Variants in MFHAS1 observed in about 807,000 individuals in gnomAD.
The protein encoded by MFHAS1 is malignant fibrous histiocytoma-amplified sequence 1.
In MFHAS1, 50 loss-of-function variants were observed where a neutral mutation model predicts 70.4. The ratio of observed to expected loss-of-function variants is 0.71; its 90% CI spans 0.57 to 0.90. MFHAS1 has a LOEUF of 0.90. Among genes scored for constraint, MFHAS1 ranks in the 40% least tolerant of loss-of-function variants. MFHAS1 has a pLI of 0.00. For missense variants in MFHAS1, 1,795 were observed against 1,347.6 expected, an observed-to-expected ratio of 1.33 and a Z score of -5.20; for synonymous variants, 952 against 620.0, an observed-to-expected ratio of 1.54 and a Z score of -7.96.
In MFHAS1 at chr8:8,891,804, C is replaced by A. The variant is rs762871662; in HGVS notation, c.1255G>T (p.Ala419Ser). ...RLKLLLMGHK[A>S]AGKTLLRHCL... ...TGGCGCAGCAAAGTCTTTCCTGCAG[C>A]CTTATGCCCCATCAGGAGCAGCTTG... Residue 419 changes from alanine (A) to serine (S), a missense_variant, in exon 1 of 3, where the codon GCT becomes TCT. By Grantham distance (99) the Ala-to-Ser change is moderately conservative (BLOSUM62 1). Transcript: ENST00000276282. This position sits in a 1 kb window ranked among gnomAD's most constrained non-coding sequence, Gnocchi z 5.4. The A allele has an allele frequency of 1.2e-6, 2 of 1,613,240 alleles. No homozygotes were observed. Among genetic ancestry groups the A allele is most frequent in the South Asian group, 2.2e-5 (2 of 91,084 alleles).
At chr8:8,803,739 A>G (rs1156258911) in intron 1 of MFHAS1, among the ~76,000 whole-genome samples, 1 of 151,934 alleles carries the variant, frequency 6.6e-6, no homozygotes, top group African/African-American at 2.4e-5. Flanking sequence ...TGGGAGGCCG[A>G]GGCAGGCAAA....
intron 1 of MFHAS1, among the ~76,000 whole-genome samples, chr8:8,861,290 A>G (rs942674870): frequency 2.6e-5 from 4 of 152,258 alleles, no homozygotes; most frequent in Non-Finnish European, 5.9e-5. Context: ...ATTAAAAAGC[A>G]AACAAAATTT....
In MFHAS1 at chr8:8,891,046, G is replaced by C; in HGVS notation, c.2013C>G (p.Phe671Leu). Residue 671 changes from phenylalanine (F) to leucine (L), a missense_variant, in exon 1 of 3, where the codon TTC (phenylalanine) becomes TTG (leucine). Transcript: ENST00000276282. This position sits in a 1 kb window ranked among gnomAD's most constrained non-coding sequence, Gnocchi z 5.4. ...RSWQVLEELH[F>L]QPPQAQRLWL... ...ACAGTCGCTGGGCCTGAGGTGGCTG[G>C]AAATGCAGTTCCTCCAGCACCTGCC... is the stretch of plus-strand genomic sequence containing the variant. 6.2e-7 allele frequency: 1 copy of C among 1,613,656 alleles called. No individual in the cohort carries two copies. Among genetic ancestry groups the C allele is most frequent in the Non-Finnish European group, 8.5e-7 (1 of 1,179,884 alleles).
chr8:8,888,027 GT>G (rs756598656), intron 1 of MFHAS1, among the ~76,000 whole-genome samples: 1 of 152,098 alleles, frequency 6.6e-6, no homozygotes, highest in Non-Finnish European at 1.5e-5. Flanking sequence ...AAACTACCCT[GT>G]AAATGCGTAA....
intron 1 of MFHAS1, among the ~76,000 whole-genome samples, chr8:8,800,785 C>G (rs1053214432): frequency 6.6e-6 from 1 of 152,206 alleles, no homozygotes; most frequent in Non-Finnish European, 1.5e-5. Flanking sequence ...CTGCTTTTAT[C>G]TGCCTGGACA....
chr8:8,815,695 T>C (rs1315505389), intron 1 of MFHAS1, among the ~76,000 whole-genome samples: 1 of 152,174 alleles, frequency 6.6e-6, no homozygotes, highest in African/African-American at 2.4e-5. Flanking sequence ...GCATAATCAA[T>C]TGTTGCTGAG....
chr8:8,785,795 T>G lies in MFHAS1; in HGVS notation c.*227A>C. The G allele has an allele frequency of 2.0e-6, 1 of 509,280 alleles. No homozygotes were observed. The allele number at this position is 509,280 out of a possible 1,614,324, so 31.5% of individuals were successfully genotyped here. A position where few individuals can be genotyped will look rare whatever the true frequency, so the allele number is the denominator to read the frequency against. ...CGCGCTCCTTGGAGGATCACAGTTC[T>G]GAGGTTCAGGTTGTAAAACATTTGC... On this transcript the variant is annotated 3_prime_UTR_variant, in exon 3 of 3. Coordinates refer to ENST00000276282, the MANE Select transcript of MFHAS1 (RefSeq NM_004225.3).
intron 1 of MFHAS1, among the ~76,000 whole-genome samples, chr8:8,803,697 A>AGCAGT (rs1806165881): frequency 1.3e-5 from 2 of 151,292 alleles, no homozygotes; most frequent in Admixed American, 1.3e-4. Context: ...GGAGGCTGGG[A>AGCAGT]GCAGTGGCTC....
At position 8,880,258 on chromosome 8, in the gene MFHAS1, A is replaced by G. The variant is rs181786145; in HGVS notation, c.2998+9803T>C. On this transcript the variant is annotated intron_variant, in intron 1 of 2. Transcript: ENST00000276282. ...TACAAAGCCTGGCAAAAGAATTCCCAGTCACTTGGCCCCAGGAAGAATGAC... is the reference window on the plus strand; with the variant it reads ...TACAAAGCCTGGCAAAAGAATTCCCGGTCACTTGGCCCCAGGAAGAATGAC... 2.7e-4 allele frequency among the ~76,000 whole-genome samples: 41 copies of G among 152,364 alleles called. 1 individual carries two copies. Among genetic ancestry groups the G allele is most frequent in the African/African-American group, 7.2e-4 (30 of 41,584 alleles).
chr8:8,795,381 T>C (rs1440798481), intron 2 of MFHAS1, among the ~76,000 whole-genome samples: 1 of 152,232 alleles, frequency 6.6e-6, no homozygotes, highest in African/African-American at 2.4e-5. Flanking sequence ...TAATATTCGG[T>C]TGGTGCAAAA....
chr8:8,876,628 C>T lies in MFHAS1; in HGVS notation c.2998+13433G>A, dbSNP rs926223980. On this transcript the variant is annotated intron_variant, in intron 1 of 2. Transcript: ENST00000276282. ...TGTATGCATCGTGATCCTCCCGCCTCGGCCTCCCAAAGTGCTGGGATTACA... is the reference window on the plus strand; with the variant it reads ...TGTATGCATCGTGATCCTCCCGCCTTGGCCTCCCAAAGTGCTGGGATTACA... 3.3e-5 allele frequency among the ~76,000 whole-genome samples: 5 copies of T among 151,862 alleles called. 1 individual carries two copies. Among genetic ancestry groups the T allele is most frequent in the South Asian group, 4.2e-4 (2 of 4,808 alleles).
chr8:8,869,751 C>T (rs1297382770), intron 1 of MFHAS1, among the ~76,000 whole-genome samples: 1 of 152,164 alleles, frequency 6.6e-6, no homozygotes, highest in African/African-American at 2.4e-5. Context: ...TTGAAACATA[C>T]ACTTAAATCA....
chr8:8,876,624 G>T (rs977529425), intron 1 of MFHAS1, among the ~76,000 whole-genome samples: 1 of 151,826 alleles, frequency 6.6e-6, no homozygotes, highest in Non-Finnish European at 1.5e-5. Context: ...TGATCCTCCC[G>T]CCTCGGCCTC....
intron 1 of MFHAS1, among the ~76,000 whole-genome samples, chr8:8,865,948 G>A (rs946661380): frequency 1.3e-5 from 2 of 152,198 alleles, no homozygotes; most frequent in Non-Finnish European, 2.9e-5. Flanking sequence ...TGTTCAGGCG[G>A]CTTGGCCTAC....
At chr8:8,855,205 G>A (rs543068481) in intron 1 of MFHAS1, among the ~76,000 whole-genome samples, 54 of 152,278 alleles carry the variant, frequency 3.5e-4, no homozygotes, top group African/African-American at 1.3e-3. Flanking sequence ...CACCCGCCTC[G>A]GCCTCCCAAA....
rs1484211049 is a variant in MFHAS1, at chr8:8,892,514, C to G, written c.545G>C (p.Arg182Pro). 6 of 1,601,668 alleles carry G rather than the reference C, an allele frequency of 3.7e-6. No individual in the cohort carries two copies. In the Admixed American group the frequency reaches 1.0e-4, roughly 28 times the overall value. The change falls in exon 1 of 3, where the codon CGC becomes CCC. Residue 182 changes from arginine (R) to proline (P), a missense_variant. Coordinates refer to ENST00000276282, the MANE Select transcript of MFHAS1 (RefSeq NM_004225.3). This position sits in a 1 kb window ranked among gnomAD's most constrained non-coding sequence, Gnocchi z 4.7. ...HLPDSLSCLS[R>P]LRTLDVDHNQ... is the part of the protein sequence containing the mutation. ...GTGATCCACGTCCAGGGTGCGCAGG[C>G]GGGAGAGGCAGGAGAGGGAGTCAGG...
chr8:8,824,929 C>A (rs999321285), intron 1 of MFHAS1, among the ~76,000 whole-genome samples: 1 of 152,216 alleles, frequency 6.6e-6, no homozygotes, highest in Non-Finnish European at 1.5e-5. Flanking sequence ...CAGTCAGATG[C>A]GCTTCTCTGC....
chr8:8,797,440 G>T lies in MFHAS1; in HGVS notation c.3050C>A (p.Pro1017His), dbSNP rs1209460242. Residue 1017 changes from proline (P) to histidine (H), a missense_variant, in exon 2 of 3, where the codon CCC becomes CAC. Pro to His is a moderately conservative substitution (Grantham distance 77). Transcript: ENST00000276282. ...RPEGVAEIIC[P>H]KNGSERVNVA... ...ATTTACTCGCTCGCTGCCGTTCTTGGGGCAAATGATCTCTGCCACTCCTTC... is the reference window on the plus strand; with the variant it reads ...ATTTACTCGCTCGCTGCCGTTCTTGTGGCAAATGATCTCTGCCACTCCTTC... 1 of 1,613,982 alleles carries T rather than the reference G, an allele frequency of 6.2e-7. No individual in the cohort carries two copies. Among genetic ancestry groups the T allele is most frequent in the Non-Finnish European group, 8.5e-7 (1 of 1,179,996 alleles).
At chr8:8,817,748 C>T (rs1426678996) in intron 1 of MFHAS1, among the ~76,000 whole-genome samples, 1 of 152,232 alleles carries the variant, frequency 6.6e-6, no homozygotes, top group Non-Finnish European at 1.5e-5. Flanking sequence ...CACTTCAGAT[C>T]ATTAGGCATT....
Sources: gnomAD v4.1 joint callset for allele counts (sites outside exome capture counted in the v4.1 genomes callset) on GRCh38, gnomAD v4.1.1 for gene constraint, Gnocchi (gnomAD v3.1) non-coding constraint, MANE v1.5 for transcripts, NCBI Gene and HGNC (gene_info 2026-07-23, HGNC 2026-07-21) for gene names.